INF2: variants seen among roughly 807,000 people sequenced by gnomAD.
The protein encoded by INF2 is inverted formin 2.
A neutral mutation model predicts 123.5 loss-of-function variants in INF2; 43 were observed. The ratio of observed to expected loss-of-function variants is 0.35; its 90% CI spans 0.27 to 0.45. INF2 has a LOEUF of 0.45. INF2 is among the 20% of genes least tolerant of loss of function. INF2 has a pLI of 1.00. For synonymous variants in INF2, 851 were observed against 745.0 expected, an observed-to-expected ratio of 1.14 and a Z score of -2.32; for missense variants, 1,453 against 1,682.7, an observed-to-expected ratio of 0.86 and a Z score of 2.39.
Position 104,711,066 on chromosome 14 carries a change from C to G in INF2, c.2311-13C>G, listed in dbSNP as rs1890025369. 6.2e-6 allele frequency: 10 copies of G among 1,603,844 alleles called. No individual in the cohort carries two copies. Among genetic ancestry groups the G allele is most frequent in the Non-Finnish European group, 8.5e-6 (10 of 1,176,756 alleles). On this transcript the variant is annotated splice_polypyrimidine_tract_variant and intron_variant, in intron 14 of 22. Transcript: ENST00000392634. Reference sequence around the variant, plus strand: ...GCCAGGGGCTGGTGAGACTCACTCCCTGCCCCTCCCAGGGCAGCCACACCG... The same window carrying G: ...GCCAGGGGCTGGTGAGACTCACTCCGTGCCCCTCCCAGGGCAGCCACACCG...
At chr14:104,700,369 G>T (rs571070455) in intron 1 of INF2, among the ~76,000 whole-genome samples, 2 of 152,298 alleles carry the variant, frequency 1.3e-5, no homozygotes, top group Admixed American at 6.5e-5. Context: ...GTGCTGGGCC[G>T]GGGTGGAGGC....
intron 22 of INF2, chr14:104,716,033 T>A: frequency 2.2e-6 from 1 of 444,946 alleles, no homozygotes; most frequent in South Asian, 1.6e-5. Flanking sequence ...TCCACAGGGC[T>A]GGAGAGGCCA....
intron 1 of INF2, 148 bp from the exon 2 acceptor site, chr14:104,701,209 A>G (rs887295928): frequency 5.5e-6 from 5 of 915,066 alleles, no homozygotes; most frequent in Non-Finnish European, 8.1e-6. Flanking sequence ...TGGGGGACAC[A>G]GTGCTACCCC....
chr14:104,715,770 G>C (rs918666537), intron 22 of INF2: 3 of 485,620 alleles, frequency 6.2e-6, no homozygotes, highest in Non-Finnish European at 8.1e-6. Context: ...CTGTCTGTTG[G>C]TGGAGGGCTA....
At chr14:104,682,074 C>T (rs1179096789) in intron 1 of INF2, among the ~76,000 whole-genome samples, 1 of 152,180 alleles carries the variant, frequency 6.6e-6, no homozygotes, top group Non-Finnish European at 1.5e-5. Flanking sequence ...ATGGGAAAGA[C>T]CCCAGTGCCT....
Position 104,714,353 on chromosome 14 carries a change from TGGA to T in INF2, c.3197_3199del (p.Glu1066del), listed in dbSNP as rs758973847. On this transcript the variant is annotated inframe_deletion, in exon 21 of 23. Transcript: ENST00000392634. ...GGCCCTCAGCCCACCCTGGAGCAGT[TGGA>T]GGAGGGTGGTCCACGGCCCCTGGAG... 2 of 1,596,474 alleles carry T rather than the reference TGGA, an allele frequency of 1.3e-6. No homozygotes were observed. The highest frequency in any genetic ancestry group is 2.3e-5 in the South Asian group (2 of 88,640).
intron 1 of INF2, among the ~76,000 whole-genome samples, chr14:104,697,007 G>A (rs528679839): frequency 6.6e-6 from 1 of 152,302 alleles, no homozygotes; most frequent in South Asian, 2.1e-4. Context: ...GGTCCCCAGA[G>A]CCCCTTGGTC....
Position 104,715,286 on chromosome 14 carries a change from G to A in INF2, c.3697G>A (p.Val1233Ile), listed in dbSNP as rs746281923. The A allele has an allele frequency of 6.2e-7, 1 of 1,613,626 alleles. No homozygotes were observed. The highest frequency in any genetic ancestry group is 8.5e-7 in the Non-Finnish European group (1 of 1,179,772). ...KKRPSRSQEE[V>I]PPDSDDNKTK... Reference sequence around the variant, plus strand: ...GCGTTTCTTTTATTTGGAAGCAGAGGTTCCCCCTGATTCTGATGATAATAA... The same window carrying A: ...GCGTTTCTTTTATTTGGAAGCAGAGATTCCCCCTGATTCTGATGATAATAA... The change falls in exon 22 of 23, where the codon GTT becomes ATT. Residue 1233 changes from valine to isoleucine, a missense_variant and splice_region_variant. Transcript: ENST00000392634.
chr14:104,703,565 C>G, intron 4 of INF2, 111 bp downstream of exon 4: 1 of 1,428,208 alleles, frequency 7.0e-7, no homozygotes, highest in Non-Finnish European at 9.7e-7. Flanking sequence ...GCCCCCGACC[C>G]AGGGCCCCAG....
chr14:104,704,463 G>A (rs923334916), intron 5 of INF2: 4 of 194,442 alleles, frequency 2.1e-5, no homozygotes, highest in South Asian at 2.2e-4. Context: ...ACCGGGCCAC[G>A]CAGCAGGAAG....
At chr14:104,711,821 C>A (rs779195762) in intron 16 of INF2, 122 bp downstream of exon 16, 11 of 823,618 alleles carry the variant, frequency 1.3e-5, no homozygotes, top group Admixed American at 2.2e-5. Context: ...CCCGGCGCCA[C>A]GGAGCCCTGC....
At chr14:104,694,868 G>A (rs1485276931) in intron 1 of INF2, among the ~76,000 whole-genome samples, 2 of 152,158 alleles carry the variant, frequency 1.3e-5, no homozygotes, top group African/African-American at 2.4e-5. Context: ...TCTTGGCACA[G>A]GCAGGGTGGG....
rs757804349 is a variant in INF2, at chr14:104,708,529, C to T, written c.1829C>T (p.Ala610Val). The stretch of plus-strand genomic sequence containing the variant: ...ATCGAGCGACTATTCTCCTTCCCTG[C>T]AGCCAAGCCCAAGGAGCCCACCATG... ...SSIERLFSFPAAKPKEPTMVA... is the reference protein window; with the variant it reads ...SSIERLFSFPVAKPKEPTMVA... Residue 610 changes from alanine to valine, a missense_variant, in exon 9 of 23, where the codon GCA (alanine) becomes GTA (valine). Ala to Val is a moderately conservative substitution (Grantham distance 64, BLOSUM62 0). Coordinates refer to ENST00000392634, the MANE Select transcript of INF2 (RefSeq NM_022489.4). The T allele has an allele frequency of 1.2e-6, 2 of 1,612,452 alleles. No individual in the cohort carries two copies. The highest frequency in any genetic ancestry group is 8.5e-7 in the Non-Finnish European group (1 of 1,179,812).
Position 104,714,669 on chromosome 14 carries a change from T to G in INF2, c.3507T>G (p.Gly1169=). The change falls in exon 21 of 23, where the codon GGT becomes GGG. Residue 1169 remains glycine, a synonymous_variant. Coordinates refer to ENST00000392634, the MANE Select transcript of INF2 (RefSeq NM_022489.4). ...CCAGACCCCCTGCAGCAGGCCCAGG[T>G]GGGGATGAGGACGAGGACGAGGAGG... The part of the protein sequence containing the change: ...RGARPPAAGP[G]GDEDEDEEDT... 2 of 1,612,130 alleles carry G rather than the reference T, an allele frequency of 1.2e-6. No individual in the cohort carries two copies. Among genetic ancestry groups the G allele is most frequent in the Non-Finnish European group, 1.7e-6 (2 of 1,179,570 alleles).
chr14:104,708,382 A>G (rs1889883273), intron 8 of INF2, 54 bp from the exon 9 acceptor site: 1 of 1,598,580 alleles, frequency 6.3e-7, no homozygotes, highest in African/African-American at 1.3e-5. Flanking sequence ...TGCCTGCTGG[A>G]TCGCCAGGCC....
intron 17 of INF2, 87 bp from the exon 18 acceptor site, chr14:104,712,741 G>A: frequency 2.7e-6 from 4 of 1,494,192 alleles, no homozygotes; most frequent in Non-Finnish European, 3.6e-6. Flanking sequence ...TGTCCCTGTG[G>A]CCGTCACCCT....
intron 1 of INF2, 122 bp from the exon 2 acceptor site, chr14:104,701,235 C>T (rs1361400957): frequency 1.8e-6 from 2 of 1,127,718 alleles, no homozygotes; most frequent in Non-Finnish European, 2.5e-6. Context: ...CTCAGCATGG[C>T]ACGTGAGCAG....
chr14:104,687,605 C>G (rs568411099), upstream of INF2, among the ~76,000 whole-genome samples: 8 of 152,318 alleles, frequency 5.3e-5, no homozygotes, highest in African/African-American at 1.9e-4. The surrounding 1 kb of genome is among the most constrained non-coding windows in gnomAD (Gnocchi z 5.6). Context: ...ACCTTCTTCA[C>G]CCTGCTCCGG....
chr14:104,711,736 G>GT, intron 16 of INF2, 37 bp downstream of exon 16: 1 of 1,599,952 alleles, frequency 6.3e-7, no homozygotes, highest in Non-Finnish European at 8.5e-7. Flanking sequence ...CCTCAGCCAG[G>GT]TGGGGGCCTG....
Sources: allele counts gnomAD v4.1 joint callset (sites outside exome capture counted in the v4.1 genomes callset), GRCh38; gene constraint gnomAD v4.1.1; non-coding constraint Gnocchi (gnomAD v3.1); transcripts MANE v1.5; gene names NCBI Gene and HGNC (gene_info 2026-07-23, HGNC 2026-07-21).